The following SIRT5 variants were observed in gnomAD, a reference collection of about 807,000 sequenced individuals.
SIRT5 encodes sirtuin 5.
In SIRT5, 26 loss-of-function variants were observed where a neutral mutation model predicts 40.0. The observed-to-expected ratio is 0.65, with a 90% CI of 0.48 to 0.90. The LOEUF is 0.90. SIRT5 is among the 40% of genes least tolerant of loss of function. SIRT5 has a pLI of 0.00. For synonymous variants in SIRT5, 146 were observed against 149.1 expected, an observed-to-expected ratio of 0.98 and a Z score of 0.15; for missense variants, 401 against 402.4, an observed-to-expected ratio of 1.00 and a Z score of 0.03.
Position 13,612,121 on chromosome 6 carries a change from ATG to A in SIRT5, c.*257_*258del, listed in dbSNP as rs1167904560. The A allele has an allele frequency of 1.3e-5, 4 of 305,302 alleles. No homozygotes were observed. Among genetic ancestry groups the A allele is most frequent in the Non-Finnish European group, 2.4e-5 (4 of 166,250 alleles). 18.9% of individuals were successfully genotyped at this position (305,302 alleles called of 1,614,324 possible). On this transcript the variant is annotated 3_prime_UTR_variant, in exon 10 of 10. Transcript: ENST00000606117. ...GAAACGTGAGGTATCTTTGATGTGT[ATG>A]GTTGGTTATTGGGAGGGAAAAATTT... is the stretch of plus-strand genomic sequence containing the variant.
intron 7 of SIRT5, among the ~76,000 whole-genome samples, chr6:13,598,592 G>C (rs1038676864): frequency 3.3e-5 from 5 of 152,174 alleles, no homozygotes; most frequent in Admixed American, 3.3e-4. Context: ...CACTTTGGGA[G>C]GCCGAGGAGG....
intron 3 of SIRT5, among the ~76,000 whole-genome samples, chr6:13,584,772 T>C (rs1187362888): frequency 1.2e-5 from 1 of 83,562 alleles, no homozygotes; most frequent in African/African-American, 3.5e-5. Context: ...TTTTTACACA[T>C]GTTTTGTACT....
At chr6:13,598,324 A>T (rs11751539) in intron 7 of SIRT5, among the ~76,000 whole-genome samples, 13,568 of 152,192 alleles carry the variant, frequency 0.089, 1,048 homozygotes, top group East Asian at 0.42. Context: ...AGCTGGCTAC[A>T]TACTGGGCCA....
intron 5 of SIRT5, among the ~76,000 whole-genome samples, chr6:13,593,105 T>TCTCGA (rs1353462744): frequency 1.7e-4 from 26 of 151,880 alleles, no homozygotes; most frequent in Non-Finnish European, 7.4e-5. Flanking sequence ...GTGGAGAGTG[T>TCTCGA]CTCACCATGT....
Position 13,614,795 on chromosome 6 carries a change from G to A in SIRT5, c.*2930G>A, listed in dbSNP as rs963406887. 2 of 152,486 alleles carry A rather than the reference G, an allele frequency of 1.3e-5. No homozygotes were observed. The highest frequency in any genetic ancestry group is 2.0e-4 in the South Asian group (1 of 4,922). 9.4% of individuals were successfully genotyped at this position (152,486 alleles called of 1,614,324 possible). A position where few individuals can be genotyped will look rare whatever the true frequency, so the allele number is the denominator to read the frequency against. On this transcript the variant is annotated 3_prime_UTR_variant, in exon 10 of 10. Coordinates refer to ENST00000606117, the MANE Select transcript of SIRT5 (RefSeq NM_012241.5). ...GGGCACGTCTGTGCAGATTTCTTTA[G>A]AGTCCAGGTCTGTCGCCCGCGTCTT...
At chr6:13,587,932 G>C (rs925797205) in intron 3 of SIRT5, among the ~76,000 whole-genome samples, 2 of 152,142 alleles carry the variant, frequency 1.3e-5, no homozygotes, top group African/African-American at 4.8e-5. Context: ...ATACAGGCTT[G>C]TTTTTACTTT....
At chr6:13,578,851 T>C (rs1327321832) in intron 1 of SIRT5, among the ~76,000 whole-genome samples, 1 of 152,120 alleles carries the variant, frequency 6.6e-6, no homozygotes, top group African/African-American at 2.4e-5. Context: ...TCAGATTTCA[T>C]GAAAAGGCAT....
At chr6:13,582,370 C>T (rs1460591269) in intron 2 of SIRT5, among the ~76,000 whole-genome samples, 1 of 152,084 alleles carries the variant, frequency 6.6e-6, no homozygotes, top group African/African-American at 2.4e-5. Context: ...ACACATGTAA[C>T]AAAATTTAGC....
chr6:13,580,037 A>G (rs150148482), intron 2 of SIRT5, among the ~76,000 whole-genome samples: 9 of 152,300 alleles, frequency 5.9e-5, no homozygotes, highest in Admixed American at 1.3e-4. Context: ...GTTGGATGTC[A>G]CCATTGTCAC....
intron 9 of SIRT5, chr6:13,605,018 G>C (rs1162445161): frequency 1.0e-6 from 1 of 987,224 alleles, no homozygotes; most frequent in East Asian, 1.1e-4. Flanking sequence ...ATTTAGAAGA[G>C]ATGCTGGTGA....
intron 9 of SIRT5, among the ~76,000 whole-genome samples, chr6:13,611,050 A>G (rs1373849506): frequency 6.6e-6 from 1 of 151,234 alleles, no homozygotes; most frequent in East Asian, 1.9e-4. Flanking sequence ...TCTTTTTTCT[A>G]ACTACACCTC....
At chr6:13,584,266 G>T (rs2127624138) in intron 3 of SIRT5, 41 bp downstream of exon 3, 1 of 1,396,790 alleles carries the variant, frequency 7.2e-7, no homozygotes, top group Non-Finnish European at 1.0e-6. Flanking sequence ...AGCCAAATGT[G>T]AAGTACCTGA....
At chr6:13,581,394 C>G (rs1300030301) in intron 2 of SIRT5, among the ~76,000 whole-genome samples, 1 of 152,162 alleles carries the variant, frequency 6.6e-6, no homozygotes, top group Non-Finnish European at 1.5e-5. Context: ...TTTCTCATAA[C>G]TAAATTGCAG....
intron 2 of SIRT5, among the ~76,000 whole-genome samples, chr6:13,583,270 C>T (rs7747037): frequency 0.59 from 81,396 of 136,964 alleles, 23,802 homozygotes; most frequent in Admixed American, 0.67. Flanking sequence ...TTCATACCTT[C>T]TTTTTTTTCT....
At position 13,611,844 on chromosome 6, in the gene SIRT5, T is replaced by C. The variant is rs557742598; in HGVS notation, c.912T>C (p.His304=). The change falls in exon 10 of 10, where the codon CAT becomes CAC. Residue 304 remains histidine (H), a synonymous_variant. Coordinates refer to ENST00000606117, the MANE Select transcript of SIRT5 (RefSeq NM_012241.5). ...GTTLPEALAC[H]ENETVS ...CTCTTCCTGAAGCCCTTGCCTGTCA[T>C]GAAAATGAAACTGTTTCTTAAGTGT... 2 of 1,614,004 alleles carry C rather than the reference T, an allele frequency of 1.2e-6. No homozygotes were observed. The highest frequency in any genetic ancestry group is 1.7e-6 in the Non-Finnish European group (2 of 1,179,908).
At chr6:13,606,385 T>C (rs1456294849) in intron 9 of SIRT5, among the ~76,000 whole-genome samples, 2 of 152,060 alleles carry the variant, frequency 1.3e-5, no homozygotes, top group Non-Finnish European at 2.9e-5. Flanking sequence ...GTCTAAGGAA[T>C]TGTTAGGTAG....
intron 4 of SIRT5, among the ~76,000 whole-genome samples, chr6:13,590,228 C>CA (rs991715608): frequency 1.4e-4 from 21 of 152,270 alleles, no homozygotes; most frequent in Non-Finnish European, 2.2e-4. Context: ...GTAACACCCC[C>CA]ACCTCCACTA....
chr6:13,588,265 A>T (rs1760339212), intron 3 of SIRT5, 66 bp from the exon 4 acceptor site: 2 of 1,557,156 alleles, frequency 1.3e-6, no homozygotes. Context: ...CAAGATACAG[A>T]CAATTGATAT....
Position 13,615,013 on chromosome 6 carries a change from GGT to G in SIRT5, c.*3149_*3150del, listed in dbSNP as rs1764212806. 1 of 269,162 alleles carries G rather than the reference GGT, an allele frequency of 3.7e-6. No individual in the cohort carries two copies. The highest frequency in any genetic ancestry group is 2.2e-5 in the African/African-American group (1 of 45,438). 16.7% of individuals were successfully genotyped at this position (269,162 alleles called of 1,614,324 possible). A position where few individuals can be genotyped will look rare whatever the true frequency, so the allele number is the denominator to read the frequency against. ...GCAGCGCCTCGGGCCCGCGATTACC[GGT>G]TTTCTGAGCACCGGACAGCGTGAGC... On this transcript the variant is annotated 3_prime_UTR_variant, in exon 10 of 10. Transcript: ENST00000606117.
Sources: allele counts gnomAD v4.1 joint callset (sites outside exome capture counted in the v4.1 genomes callset), GRCh38; gene constraint gnomAD v4.1.1; transcripts MANE v1.5; gene names NCBI Gene and HGNC (gene_info 2026-07-23, HGNC 2026-07-21).